OXR1: variants seen among roughly 807,000 people sequenced by gnomAD.
The protein encoded by OXR1 is oxidation resistance 1.
In OXR1, 41 loss-of-function variants were observed where a neutral mutation model predicts 104.6. The observed-to-expected ratio is 0.39, with a 90% CI of 0.31 to 0.51. OXR1 has a LOEUF of 0.51. Ranked by LOEUF, OXR1 falls within the 20% of genes least tolerant of loss-of-function variation. OXR1 has a pLI of 0.77. For synonymous variants in OXR1, 348 were observed against 348.4 expected (o/e 1.00, Z 0.01); for missense variants, 955 against 1,031.9 (o/e 0.93, Z 1.02).
chr8:106,445,803 T>C (rs1246933441), intron 2 of OXR1, among the ~76,000 whole-genome samples: 1 of 152,206 alleles, frequency 6.6e-6, no homozygotes, highest in Non-Finnish European at 1.5e-5. Flanking sequence ...CATATCTTCC[T>C]ACTCCTCTTC....
intron 2 of OXR1, among the ~76,000 whole-genome samples, chr8:106,365,669 A>T (rs184530622): frequency 6.6e-6 from 1 of 152,334 alleles, no homozygotes; most frequent in Admixed American, 6.5e-5. Flanking sequence ...TTAATTAAAT[A>T]CACTACATTT....
rs1036944147 is a variant in OXR1, at chr8:106,412,411, T to C, written c.23+52775T>C. On this transcript the variant is annotated intron_variant, in intron 2 of 16. Transcript: ENST00000517566. ...AATATAAAAGCTATTTAAAGCCAAA[T>C]CTTGGAAACAATTTCTGGACTTCTT... Among the ~76,000 whole-genome samples the C allele has an allele frequency of 9.9e-5, 15 of 152,274 alleles. No individual in the cohort carries two copies. In the Middle Eastern group the frequency reaches 0.01, roughly 104 times the overall value.
intron 2 of OXR1, among the ~76,000 whole-genome samples, chr8:106,371,457 G>C (rs1181747800): frequency 2.6e-5 from 4 of 151,974 alleles, no homozygotes; most frequent in Non-Finnish European, 5.9e-5. Flanking sequence ...GTTTGCTCTT[G>C]CCTCTCTAGC....
intron 2 of OXR1, among the ~76,000 whole-genome samples, chr8:106,384,183 A>G (rs1817272030): frequency 6.6e-6 from 1 of 152,226 alleles, no homozygotes; most frequent in Non-Finnish European, 1.5e-5. Context: ...GAGTTTAAAA[A>G]TGTTAGTTAA....
chr8:106,292,191 C>T (rs1812782956), intron 1 of OXR1, among the ~76,000 whole-genome samples: 1 of 152,132 alleles, frequency 6.6e-6, no homozygotes, highest in African/African-American at 2.4e-5. Context: ...CCTTATTTTA[C>T]TATTCATAAT....
intron 3 of OXR1, among the ~76,000 whole-genome samples, chr8:106,645,436 G>T (rs575432404): frequency 6.6e-6 from 1 of 152,292 alleles, no homozygotes; most frequent in African/African-American, 2.4e-5. Context: ...AATTAGAAAT[G>T]ATCCAACTTT....
At chr8:106,366,336 C>T (rs527318043) in intron 2 of OXR1, among the ~76,000 whole-genome samples, 42 of 152,278 alleles carry the variant, frequency 2.8e-4, no homozygotes, top group African/African-American at 7.5e-4. Context: ...GAAGCTTTAA[C>T]ATAAAACTGG....
chr8:106,385,735 C>T (rs1817345499), intron 2 of OXR1, among the ~76,000 whole-genome samples: 1 of 152,140 alleles, frequency 6.6e-6, no homozygotes, highest in South Asian at 2.1e-4. Flanking sequence ...TTCTAGATGG[C>T]CTTTTGTTAT....
chr8:106,693,051 G>T (rs1829475266), intron 7 of OXR1, among the ~76,000 whole-genome samples, 174 bp downstream of exon 7: 2 of 152,134 alleles, frequency 1.3e-5, no homozygotes, highest in Admixed American at 1.3e-4. Flanking sequence ...ATAACTTAGA[G>T]TCTGGTGATC....
chr8:106,297,198 A>G (rs141403745), intron 1 of OXR1, among the ~76,000 whole-genome samples: 262 of 152,294 alleles, frequency 1.7e-3, no homozygotes, highest in African/African-American at 5.7e-3. Flanking sequence ...GACTGGGAAG[A>G]CATTAGATGA....
At chr8:106,748,558 T>C in intron 16 of OXR1, among the ~76,000 whole-genome samples, 1 of 10,884 alleles carries the variant, frequency 9.2e-5, no homozygotes, top group East Asian at 7.4e-3. Flanking sequence ...CCAACTCTTT[T>C]TTTTTTTTTT....
chr8:106,464,645 A>G (rs1821081166), intron 2 of OXR1, among the ~76,000 whole-genome samples: 1 of 152,202 alleles, frequency 6.6e-6, no homozygotes, highest in South Asian at 2.1e-4. Context: ...TAGCAGTGAG[A>G]CAGACTCTTG....
At chr8:106,458,252 G>T (rs1670401) in intron 2 of OXR1, among the ~76,000 whole-genome samples, 10,333 of 152,164 alleles carry the variant, frequency 0.068, 402 homozygotes, top group Non-Finnish European at 0.087. Context: ...CTCAATATTT[G>T]CTGCCCAGGT....
chr8:106,420,477 C>G (rs116547243), intron 2 of OXR1, among the ~76,000 whole-genome samples: 5 of 151,686 alleles, frequency 3.3e-5, no homozygotes, highest in Admixed American at 6.6e-5. Context: ...GTTTTAAAAT[C>G]GCTTTAAAAC....
Position 106,519,114 on chromosome 8 carries a change from C to A in OXR1, c.195C>A (p.Ser65Arg), listed in dbSNP as rs146728963. The change falls in exon 3 of 17, where the codon AGC becomes AGA. Residue 65 changes from serine (S) to arginine (R), a missense_variant. By Grantham distance (110) the Ser-to-Arg change is moderately radical. This residue lies in a region of OXR1 where 849 missense variants were observed against 852.9 expected (regional missense o/e 1.00). Transcript: ENST00000517566. ...CTCAGAAACATCCTTCCAGAAGGAG[C>A]GAACTGAAGAGGTTCTACACAATTG... ...ANTQKHPSRR[S>R]ELKRFYTIDT... is the part of the protein sequence containing the mutation. 4.5e-6 allele frequency: 7 copies of A among 1,551,064 alleles called. No individual in the cohort carries two copies. The East Asian group carries it at 9.8e-5, about 22-fold the overall frequency.
chr8:106,479,769 T>C (rs1040537328), intron 2 of OXR1, among the ~76,000 whole-genome samples: 2 of 152,070 alleles, frequency 1.3e-5, no homozygotes, highest in African/African-American at 4.8e-5. Context: ...TTCACATCTG[T>C]TTTATTCTTT....
At chr8:106,308,991 T>C (rs1364687859) in intron 1 of OXR1, among the ~76,000 whole-genome samples, 2 of 151,934 alleles carry the variant, frequency 1.3e-5, no homozygotes, top group African/African-American at 2.4e-5. Context: ...TTTTTTGTTT[T>C]TTTTTGAGAC....
intron 2 of OXR1, among the ~76,000 whole-genome samples, chr8:106,478,134 G>A (rs2345800): frequency 0.11 from 16,386 of 151,808 alleles, 970 homozygotes; most frequent in African/African-American, 0.15. Context: ...ACTAGTGCTA[G>A]TGTCCTTATT....
intron 3 of OXR1, among the ~76,000 whole-genome samples, chr8:106,656,788 T>C (rs1376046837): frequency 7.2e-6 from 1 of 138,400 alleles, no homozygotes; most frequent in African/African-American, 2.8e-5. Flanking sequence ...AAACTGAAAA[T>C]GGTGATGATG....
Sources: allele counts gnomAD v4.1 joint callset (sites outside exome capture counted in the v4.1 genomes callset), GRCh38; gene constraint gnomAD v4.1.1; regional missense constraint gnomAD v4.1.1; transcripts MANE v1.5; gene names NCBI Gene and HGNC (gene_info 2026-07-23, HGNC 2026-07-21).